The following ABCG1 variants were observed in gnomAD, a reference collection of about 807,000 sequenced individuals.
ABCG1 encodes ATP-binding cassette sub-family G member 1.
Under a neutral mutation model 69.2 loss-of-function variants are expected in ABCG1, and 29 were observed. That is an observed-to-expected ratio of 0.42 (90% confidence interval 0.31 to 0.57). The LOEUF is 0.57. Ranked by LOEUF, ABCG1 falls within the 20% of genes least tolerant of loss-of-function variation. The probability of loss-of-function intolerance (pLI) is 0.15; values close to 1 mark genes in which losing one functional copy is unlikely to be tolerated. For synonymous variants in ABCG1, 370 were observed against 374.8 expected (o/e 0.99, Z 0.15); for missense variants, 718 against 898.1 (o/e 0.80, Z 2.56).
chr21:42,296,150 G>C lies in ABCG1; in HGVS notation c.1773-14G>C, dbSNP rs2069205081. 1.9e-6 allele frequency: 3 copies of C among 1,610,078 alleles called. No individual in the cohort carries two copies. Among genetic ancestry groups the C allele is most frequent in the Non-Finnish European group, 2.5e-6 (3 of 1,176,530 alleles). On this transcript the variant is annotated splice_polypyrimidine_tract_variant and intron_variant, in intron 14 of 14. Transcript: ENST00000398449. This position sits in a 1 kb window ranked among gnomAD's most constrained non-coding sequence, Gnocchi z 5.4. ...GGGAGAACGTCCTCCCTCATGCCTG[G>C]CCTTTCCTCCTAGGTATGGGTTCGA...
chr21:42,293,012 C>A (rs1472968287), intron 13 of ABCG1, among the ~76,000 whole-genome samples: 1 of 144,802 alleles, frequency 6.9e-6, no homozygotes, highest in Non-Finnish European at 1.5e-5. Flanking sequence ...ACACCACACA[C>A]TACACACACA....
chr21:42,202,672 C>T (rs1386598653), intron 2 of ABCG1, among the ~76,000 whole-genome samples: 3 of 151,786 alleles, frequency 2.0e-5, no homozygotes, highest in East Asian at 1.9e-4. Flanking sequence ...AGTACAGGGG[C>T]GCGATCACAG....
chr21:42,281,605 C>T (rs778861621), intron 5 of ABCG1, among the ~76,000 whole-genome samples: 25 of 152,174 alleles, frequency 1.6e-4, no homozygotes, highest in African/African-American at 2.4e-4. Flanking sequence ...AGATCTGTTT[C>T]GTTGCCTTCC....
chr21:42,213,426 T>C (rs1050706334), upstream of ABCG1, among the ~76,000 whole-genome samples: 1 of 152,252 alleles, frequency 6.6e-6, no homozygotes, highest in Non-Finnish European at 1.5e-5. Flanking sequence ...TTTCAGAGGA[T>C]GCTTTGGAGA....
At chr21:42,254,113 T>G (rs2068265137) in intron 2 of ABCG1, among the ~76,000 whole-genome samples, 2 of 151,704 alleles carry the variant, frequency 1.3e-5, no homozygotes, top group Non-Finnish European at 2.9e-5. Context: ...TGGACAGAAG[T>G]ATGGATGGGG....
intron 13 of ABCG1, among the ~76,000 whole-genome samples, chr21:42,293,827 C>G (rs759822355): frequency 6.6e-6 from 1 of 151,092 alleles, no homozygotes; most frequent in Non-Finnish European, 1.5e-5. Flanking sequence ...ACACCACTCA[C>G]TGCGCACACA....
intron 13 of ABCG1, among the ~76,000 whole-genome samples, chr21:42,293,062 C>G (rs2069106796): frequency 3.1e-5 from 3 of 96,766 alleles, no homozygotes; most frequent in Non-Finnish European, 6.2e-5. Flanking sequence ...TACACACATA[C>G]CACACTACAC....
chr21:42,294,694 C>T (rs758062334), intron 14 of ABCG1, 34 bp downstream of exon 14: 13 of 1,585,962 alleles, frequency 8.2e-6, no homozygotes, highest in Non-Finnish European at 1.0e-5. Flanking sequence ...GCGTGGGGAC[C>T]GAGGGTGACG....
chr21:42,229,550 T>C (rs990250190), intron 2 of ABCG1, among the ~76,000 whole-genome samples: 1 of 151,912 alleles, frequency 6.6e-6, no homozygotes, highest in African/African-American at 2.4e-5. Flanking sequence ...AAACCCTGTC[T>C]CTAGTAGAAA....
intron 1 of ABCG1, among the ~76,000 whole-genome samples, chr21:42,221,923 C>G (rs1393737782): frequency 6.6e-6 from 1 of 152,218 alleles, no homozygotes; most frequent in East Asian, 1.9e-4. Context: ...GCATCTCTAT[C>G]TGCCCAGGAT....
At chr21:42,221,155 G>A (rs953160550) in intron 1 of ABCG1, 1 of 152,076 alleles carries the variant, frequency 6.6e-6, no homozygotes, top group Non-Finnish European at 1.5e-5. Flanking sequence ...TTTAAAAAAA[G>A]TTTAAACATT....
At chr21:42,265,318 A>G (rs930402531) in intron 2 of ABCG1, among the ~76,000 whole-genome samples, 3 of 152,228 alleles carry the variant, frequency 2.0e-5, no homozygotes, top group Admixed American at 2.0e-4. Flanking sequence ...TTGAAGTTCT[A>G]ACCCCTGCTC....
chr21:42,206,815 A>C lies in ABCG1; in HGVS notation c.48+5092A>C, dbSNP rs562380005. On this transcript the variant is annotated intron_variant, in intron 2 of 15. Transcript: ENST00000398457. Reference sequence around the variant, plus strand: ...ATCATTATTTTAGGTTATGTCTATGAGTGACACATTTTCTTAGTTTTTCTT... The same window carrying C: ...ATCATTATTTTAGGTTATGTCTATGCGTGACACATTTTCTTAGTTTTTCTT... The C allele has an allele frequency of 6.0e-5, 9 of 149,776 alleles. No homozygotes were observed. The East Asian group carries it at 1.7e-3, about 29-fold the overall frequency. The allele number at this position is 149,776 out of a possible 1,614,324, so 9.3% of individuals were successfully genotyped here.
At chr21:42,284,414 C>A in intron 6 of ABCG1, 146 bp from the exon 7 acceptor site, 1 of 971,532 alleles carries the variant, frequency 1.0e-6, no homozygotes, top group Non-Finnish European at 1.5e-6. Context: ...ACAGCAAGAG[C>A]AGAGCCCGGC....
chr21:42,267,693 GTCTGGGTCTGGTCTGAGTTCTA>G (rs2068535995), intron 2 of ABCG1, among the ~76,000 whole-genome samples: 3 of 150,416 alleles, frequency 2.0e-5, no homozygotes, highest in South Asian at 2.1e-4. Flanking sequence ...TCTGGGTTCT[GTCTGGGTCTGGTCTGAGTTCTA>G]TCTGGGTCTG....
At position 42,291,113 on chromosome 21, in the gene ABCG1, T is replaced by G. The variant is rs1285299295; in HGVS notation, c.1415T>G (p.Phe472Cys). Residue 472 changes from phenylalanine to cysteine, a missense_variant, in exon 12 of 15, where the codon TTT becomes TGT. Around this residue, in one of 2 missense-constraint regions of ABCG1, gnomAD observed 204 missense variants for 323.8 expected, o/e 0.63. Coordinates refer to ENST00000398449, the MANE Select transcript of ABCG1 (RefSeq NM_016818.3). This position sits in a 1 kb window ranked among gnomAD's most constrained non-coding sequence, Gnocchi z 6.4. The part of the protein sequence containing the change: ...VLTFPLEMGV[F>C]LREHLNYWYS... ...CTAGTTCCCCTGGAGATGGGAGTCTTTCTTCGGGAACACCTGAACTACTGG... is the reference window on the plus strand; with the variant it reads ...CTAGTTCCCCTGGAGATGGGAGTCTGTCTTCGGGAACACCTGAACTACTGG... 6.2e-7 allele frequency: 1 copy of G among 1,614,034 alleles called. No homozygotes were observed. The highest frequency in any genetic ancestry group is 2.2e-5 in the East Asian group (1 of 44,894).
intron 2 of ABCG1, among the ~76,000 whole-genome samples, chr21:42,231,019 C>G (rs1057499674): frequency 8.5e-5 from 13 of 152,184 alleles, no homozygotes; most frequent in African/African-American, 3.1e-4. Context: ...TGCCTAGCCC[C>G]GTGTTATGAA....
chr21:42,285,353 A>G (rs1380856527), intron 7 of ABCG1, among the ~76,000 whole-genome samples: 2 of 151,992 alleles, frequency 1.3e-5, no homozygotes, highest in Non-Finnish European at 2.9e-5. Flanking sequence ...AAAAAATACA[A>G]AAATTATCCC....
Position 42,219,323 on chromosome 21 carries a change from C to T in ABCG1, c.42+19C>T, listed in dbSNP as rs1458395428. ...CGCCATGGTGAGTGAGCGCATCCTT[C>T]GTCCGCCGGGAACGGTTTTATTTTC... On this transcript the variant is annotated intron_variant, in intron 1 of 14. Transcript: ENST00000398449. The surrounding 1 kb of genome is among the most constrained non-coding windows in gnomAD (Gnocchi z 5.3). 2 of 1,597,460 alleles carry T rather than the reference C, an allele frequency of 1.3e-6. No homozygotes were observed. The highest frequency in any genetic ancestry group is 8.5e-7 in the Non-Finnish European group (1 of 1,174,972).
Sources: gnomAD v4.1 joint callset for allele counts (sites outside exome capture counted in the v4.1 genomes callset) on GRCh38, gnomAD v4.1.1 for gene constraint, gnomAD v4.1.1 regional missense constraint, Gnocchi (gnomAD v3.1) non-coding constraint, MANE v1.5 for transcripts, NCBI Gene and HGNC (gene_info 2026-07-23, HGNC 2026-07-21) for gene names.